Variants in STAC observed in about 807,000 individuals in gnomAD.
The protein encoded by STAC is SH3 and cysteine rich domain.
A neutral mutation model predicts 48.8 loss-of-function variants in STAC; 43 were observed. The observed-to-expected ratio is 0.88, with a 90% CI of 0.69 to 1.14. STAC has a LOEUF of 1.14. STAC is among the 50% of genes most tolerant of loss of function. STAC has a pLI of 0.00. For missense variants in STAC, 497 were observed against 504.0 expected (o/e 0.99, Z 0.13); for synonymous variants, 193 against 179.5 (o/e 1.07, Z -0.60).
intron 10 of STAC, among the ~76,000 whole-genome samples, chr3:36,534,207 C>A (rs1699141503): frequency 6.6e-6 from 1 of 152,154 alleles, no homozygotes; most frequent in Non-Finnish European, 1.5e-5. Context: ...CTCTGAATGT[C>A]AACCTTCTCA....
intron 10 of STAC, among the ~76,000 whole-genome samples, chr3:36,533,398 A>T (rs894802456): frequency 1.1e-4 from 16 of 151,334 alleles, no homozygotes; most frequent in Non-Finnish European, 4.4e-5. Context: ...AAAATTTGGA[A>T]AGTCTTTGAA....
intron 1 of STAC, among the ~76,000 whole-genome samples, chr3:36,442,739 TACACACACACACACACACACACACAC>T (rs10528748): frequency 0.42 from 55,612 of 133,518 alleles, 12,369 homozygotes; most frequent in Non-Finnish European, 0.52. Flanking sequence ...TCCTATGTCC[TACACACACACACACACACACACACAC>T]ACACACACAC....
At chr3:36,418,978 C>T (rs143364996) in intron 1 of STAC, among the ~76,000 whole-genome samples, 3,448 of 145,296 alleles carry the variant, frequency 0.024, 59 homozygotes, top group East Asian at 0.026. Flanking sequence ...ACCTGAGAGG[C>T]GGAGGTTGCA....
intron 1 of STAC, among the ~76,000 whole-genome samples, chr3:36,399,732 G>A (rs1027426490): frequency 1.3e-5 from 2 of 152,086 alleles, no homozygotes; most frequent in Admixed American, 6.5e-5. Flanking sequence ...TAACTTACTC[G>A]AGAATCTTGG....
chr3:36,524,580 A>G (rs1237481537), intron 8 of STAC, among the ~76,000 whole-genome samples: 2 of 152,156 alleles, frequency 1.3e-5, no homozygotes, highest in African/African-American at 4.8e-5. Context: ...CGACAGAGTG[A>G]AACTCCATCT....
At chr3:36,430,898 T>C (rs1047065102) in intron 1 of STAC, among the ~76,000 whole-genome samples, 6 of 152,188 alleles carry the variant, frequency 3.9e-5, no homozygotes, top group Admixed American at 1.3e-4. Flanking sequence ...AATGACATCA[T>C]TTTAAACTAC....
At chr3:36,454,248 A>C (rs959603305) in intron 2 of STAC, among the ~76,000 whole-genome samples, 1 of 151,982 alleles carries the variant, frequency 6.6e-6, no homozygotes, top group Non-Finnish European at 1.5e-5. Flanking sequence ...GAGCTGTAAC[A>C]CTCACTGCAA....
At chr3:36,463,481 A>AT (rs1343698461) in intron 2 of STAC, among the ~76,000 whole-genome samples, 1 of 150,228 alleles carries the variant, frequency 6.7e-6, no homozygotes, top group African/African-American at 2.4e-5. Context: ...TCTCATTTTA[A>AT]TTTTTTTTAA....
chr3:36,524,357 G>C (rs1006543324), intron 8 of STAC, among the ~76,000 whole-genome samples: 1 of 152,130 alleles, frequency 6.6e-6, no homozygotes, highest in East Asian at 1.9e-4. Context: ...ACTTTGGGAG[G>C]CTAAGGCAGG....
chr3:36,405,555 A>G (rs1436082025), intron 1 of STAC, among the ~76,000 whole-genome samples: 1 of 152,054 alleles, frequency 6.6e-6, no homozygotes, highest in East Asian at 1.9e-4. Flanking sequence ...CCAGATACAC[A>G]ACTGATCGCT....
intron 6 of STAC, among the ~76,000 whole-genome samples, chr3:36,502,308 T>A (rs1269732028): frequency 6.6e-6 from 1 of 152,212 alleles, no homozygotes; most frequent in East Asian, 1.9e-4. Flanking sequence ...AAAAGGTGTA[T>A]GATATGTTTT....
At chr3:36,448,999 G>C (rs1696604969) in intron 2 of STAC, among the ~76,000 whole-genome samples, 1 of 151,818 alleles carries the variant, frequency 6.6e-6, no homozygotes, top group South Asian at 2.1e-4. Context: ...CACACCTGTA[G>C]TCTCAGCTAT....
rs1383386652 is a variant in STAC at position 36,508,336 on chromosome 3, C to A, written c.920+2502C>A. Among the ~76,000 whole-genome samples the A allele has an allele frequency of 2.0e-5, 3 of 152,074 alleles. No homozygotes were observed. In the East Asian group the frequency reaches 5.8e-4, roughly 29 times the overall value. On this transcript the variant is annotated intron_variant, in intron 8 of 10. Transcript: ENST00000273183. ...GCATTTGCTGAGGTGTGTTTTACTT[C>A]CAATTGTGTGGTCAATATTAGAATA...
intron 1 of STAC, among the ~76,000 whole-genome samples, chr3:36,419,573 G>GACA (rs1700400443): frequency 6.6e-6 from 1 of 152,204 alleles, no homozygotes; most frequent in Non-Finnish European, 1.5e-5. Context: ...AAGTGTGGAT[G>GACA]ACATAAGGGG....
chr3:36,433,197 G>A (rs1030007750), intron 1 of STAC, among the ~76,000 whole-genome samples: 2 of 152,122 alleles, frequency 1.3e-5, no homozygotes, highest in Non-Finnish European at 2.9e-5. Flanking sequence ...CAGATACACC[G>A]AATGAGACAC....
intron 1 of STAC, among the ~76,000 whole-genome samples, chr3:36,430,410 T>G (rs75940917): frequency 0.036 from 5,461 of 152,222 alleles, 162 homozygotes; most frequent in Non-Finnish European, 0.055. Context: ...ACTTAGATAA[T>G]GAGCAGTAGG....
chr3:36,493,170 T>A lies in STAC; in HGVS notation c.707T>A (p.Val236Asp), dbSNP rs1343490350. 6.2e-7 allele frequency: 1 copy of A among 1,613,346 alleles called. No individual in the cohort carries two copies. The highest frequency in any genetic ancestry group is 1.3e-5 in the African/African-American group (1 of 75,020). ...HRTSTSDLVEVPEEANGPGGG... is the reference protein window; with the variant it reads ...HRTSTSDLVEDPEEANGPGGG... ...TCCAAGACTTCAGATCTTGTGGAGGTTCCTGAGGAAGCCAATGGGCCAGGA... is the reference window on the plus strand; with the variant it reads ...TCCAAGACTTCAGATCTTGTGGAGGATCCTGAGGAAGCCAATGGGCCAGGA... The change falls in exon 6 of 11, where the codon GTT becomes GAT. Residue 236 changes from valine (V) to aspartate (D), a missense_variant. By Grantham distance (152) the Val-to-Asp change is radical. Coordinates refer to ENST00000273183, the MANE Select transcript of STAC (RefSeq NM_003149.3).
At chr3:36,394,329 A>T (rs1699812033) in intron 1 of STAC, among the ~76,000 whole-genome samples, 1 of 152,242 alleles carries the variant, frequency 6.6e-6, no homozygotes, top group South Asian at 2.1e-4. Context: ...TCATGATTGC[A>T]CAAGGTTCTA....
intron 1 of STAC, among the ~76,000 whole-genome samples, chr3:36,387,451 T>C (rs1699642149): frequency 6.6e-6 from 1 of 152,066 alleles, no homozygotes; most frequent in African/African-American, 2.4e-5. Context: ...TCTCCAACTG[T>C]AACTCTGTAC....
Sources: gnomAD v4.1 joint callset for allele counts (sites outside exome capture counted in the v4.1 genomes callset) on GRCh38, gnomAD v4.1.1 for gene constraint, MANE v1.5 for transcripts, NCBI Gene and HGNC (gene_info 2026-07-23, HGNC 2026-07-21) for gene names.